The following TAFA2 variants were observed in gnomAD, a reference collection of about 807,000 sequenced individuals.
TAFA2 encodes chemokine-like protein TAFA-2.
In TAFA2, 7 loss-of-function variants were observed where a neutral mutation model predicts 18.8. The observed-to-expected ratio is 0.37, with a 90% CI of 0.21 to 0.70. The LOEUF is 0.70. Among genes scored for constraint, TAFA2 ranks in the 30% least tolerant of loss-of-function variants. The pLI, the probability that TAFA2 is intolerant of heterozygous loss-of-function variation, is 0.53. For missense variants in TAFA2, 122 were observed against 158.1 expected, an observed-to-expected ratio of 0.77 and a Z score of 1.23; for synonymous variants, 60 against 54.2, an observed-to-expected ratio of 1.11 and a Z score of -0.47.
intron 1 of TAFA2, among the ~76,000 whole-genome samples, chr12:62,176,662 T>C (rs1227847858): frequency 6.6e-6 from 1 of 152,180 alleles, no homozygotes; most frequent in East Asian, 1.9e-4. Flanking sequence ...TCAAATGAAA[T>C]TGGAGAATCA....
chr12:62,108,087 C>T (rs1461005741), intron 1 of TAFA2, among the ~76,000 whole-genome samples: 1 of 152,022 alleles, frequency 6.6e-6, no homozygotes, highest in African/African-American at 2.4e-5. Context: ...TGCTGCACCC[C>T]TCAACCTGTC....
chr12:62,007,467 C>A (rs1880592548), intron 1 of TAFA2, among the ~76,000 whole-genome samples: 1 of 152,110 alleles, frequency 6.6e-6, no homozygotes, highest in African/African-American at 2.4e-5. Context: ...TTCACAGTGA[C>A]TGGAAGAGAA....
intron 1 of TAFA2, among the ~76,000 whole-genome samples, chr12:62,139,225 T>C (rs1352184815): frequency 6.6e-6 from 1 of 152,172 alleles, no homozygotes; most frequent in Non-Finnish European, 1.5e-5. Context: ...AAAAAACTAA[T>C]AGTCAGCAAG....
chr12:61,762,039 T>C (rs1869573052), intron 2 of TAFA2, among the ~76,000 whole-genome samples: 1 of 152,092 alleles, frequency 6.6e-6, no homozygotes, highest in South Asian at 2.1e-4. Flanking sequence ...CCCCTTTGCC[T>C]ACTACCATGA....
chr12:61,892,716 G>A (rs1404004921), intron 1 of TAFA2, among the ~76,000 whole-genome samples: 1 of 152,128 alleles, frequency 6.6e-6, no homozygotes, highest in Non-Finnish European at 1.5e-5. Context: ...GCACATGCCT[G>A]TAGTCCCAGC....
intron 1 of TAFA2, among the ~76,000 whole-genome samples, chr12:62,096,285 T>C (rs1565742950): frequency 1.3e-5 from 2 of 151,992 alleles, no homozygotes; most frequent in Non-Finnish European, 2.9e-5. Flanking sequence ...CATCCACACA[T>C]CACTGATAAT....
chr12:62,041,529 T>C (rs1041931801), intron 1 of TAFA2, among the ~76,000 whole-genome samples: 10 of 152,280 alleles, frequency 6.6e-5, no homozygotes, highest in South Asian at 2.1e-4. Context: ...CACATAAAGG[T>C]AATCAGAGTT....
intron 2 of TAFA2, among the ~76,000 whole-genome samples, chr12:61,847,479 C>T (rs1354206375): frequency 6.6e-6 from 1 of 152,178 alleles, no homozygotes; most frequent in Non-Finnish European, 1.5e-5. Flanking sequence ...TGAAATTTAA[C>T]TGTCCTCAAT....
In TAFA2 at chr12:62,044,362, G is replaced by T. The variant is rs542865966; in HGVS notation, c.-2+146897C>A. Reference sequence around the variant, plus strand: ...AAAAAGTCTATAATTACAAAAAGTGGTGAGAGGAAATGGATCACAAGGATG... The same window carrying T: ...AAAAAGTCTATAATTACAAAAAGTGTTGAGAGGAAATGGATCACAAGGATG... On this transcript the variant is annotated intron_variant, in intron 1 of 4. Transcript: ENST00000416284. Among the ~76,000 whole-genome samples, 11 of 152,178 alleles carry T rather than the reference G, an allele frequency of 7.2e-5. No homozygotes were observed. The South Asian group carries it at 1.2e-3, about 17-fold the overall frequency.
At chr12:61,749,682 G>A (rs1257563475) in intron 4 of TAFA2, among the ~76,000 whole-genome samples, 1 of 152,136 alleles carries the variant, frequency 6.6e-6, no homozygotes, top group South Asian at 2.1e-4. Flanking sequence ...AATGCATAAA[G>A]TGAAAGATTT....
chr12:62,128,314 T>C (rs902395479), intron 1 of TAFA2, among the ~76,000 whole-genome samples: 1 of 152,106 alleles, frequency 6.6e-6, no homozygotes, highest in African/African-American at 2.4e-5. Context: ...TATTGTTAAC[T>C]GTGACAAAAT....
chr12:61,872,539 T>C (rs1592450637), intron 1 of TAFA2, among the ~76,000 whole-genome samples: 1 of 152,112 alleles, frequency 6.6e-6, no homozygotes, highest in Non-Finnish European at 1.5e-5. Context: ...ATACCTTGCT[T>C]AAAATCCCGG....
intron 2 of TAFA2, among the ~76,000 whole-genome samples, chr12:61,776,909 A>G (rs1325834179): frequency 6.6e-6 from 1 of 151,848 alleles, no homozygotes; most frequent in Non-Finnish European, 1.5e-5. Context: ...CCATAATTAG[A>G]AGCATTTGGT....
chr12:61,890,245 G>T (rs972456677), intron 1 of TAFA2: 1 of 152,198 alleles, frequency 6.6e-6, no homozygotes, highest in Admixed American at 6.5e-5. Flanking sequence ...TGACCCCACC[G>T]TGTTTGCATA....
intron 1 of TAFA2, among the ~76,000 whole-genome samples, chr12:61,883,401 G>T (rs763786815): frequency 6.6e-6 from 1 of 152,106 alleles, no homozygotes; most frequent in African/African-American, 2.4e-5. Context: ...CAAACATAAG[G>T]AAAATGCGGC....
At chr12:61,963,908 C>T (rs1017458980) in intron 1 of TAFA2, among the ~76,000 whole-genome samples, 2 of 151,922 alleles carry the variant, frequency 1.3e-5, no homozygotes, top group African/African-American at 4.8e-5. Context: ...AGAACAGAGG[C>T]TTCAGAAATA....
At chr12:61,860,229 A>G (rs1191367302) in intron 2 of TAFA2, among the ~76,000 whole-genome samples, 1 of 152,184 alleles carries the variant, frequency 6.6e-6, no homozygotes, top group East Asian at 1.9e-4. Flanking sequence ...TCTTCTGGGT[A>G]TTTTTCTTTC....
chr12:62,211,777 T>G (rs989798143), intron 1 of TAFA2, among the ~76,000 whole-genome samples: 3 of 152,148 alleles, frequency 2.0e-5, no homozygotes, highest in African/African-American at 7.2e-5. Flanking sequence ...ACTATAGATA[T>G]AGATTAGACC....
intron 1 of TAFA2, among the ~76,000 whole-genome samples, chr12:62,001,058 T>C (rs1404446832): frequency 6.6e-6 from 1 of 152,188 alleles, no homozygotes; most frequent in Admixed American, 6.5e-5. Context: ...TCTACAGAAA[T>C]AACAAAAGGC....
Sources: gnomAD v4.1 joint callset for allele counts (sites outside exome capture counted in the v4.1 genomes callset) on GRCh38, gnomAD v4.1.1 for gene constraint, MANE v1.5 for transcripts, NCBI Gene and HGNC (gene_info 2026-07-23, HGNC 2026-07-21) for gene names.